The following NACC1 variants were observed in gnomAD, a reference collection of about 807,000 sequenced individuals.
NACC1 encodes the protein nucleus accumbens associated 1, also known as nucleus accumbens-associated protein 1.
A neutral mutation model predicts 41.7 loss-of-function variants in NACC1; 6 were observed. The ratio of observed to expected loss-of-function variants is 0.14; its 90% confidence interval spans 0.08 to 0.28. The LOEUF (loss-of-function observed/expected upper bound fraction) is 0.28, where lower values mean the gene tolerates loss of function less well. NACC1 is among the 10% of genes least tolerant of loss of function. The probability of loss-of-function intolerance (pLI) is 1.00; values close to 1 mark genes in which losing one functional copy is unlikely to be tolerated. For missense variants in NACC1, 434 were observed against 763.7 expected (o/e 0.57, Z 5.09); for synonymous variants, 338 against 330.6 (o/e 1.02, Z -0.24).
At chr19:13,124,549 T>G (rs972799397) in intron 1 of NACC1, among the ~76,000 whole-genome samples, 5 of 152,156 alleles carry the variant, frequency 3.3e-5, no homozygotes, top group African/African-American at 1.2e-4. Flanking sequence ...CTGAACAGTT[T>G]GTTCTTCACT....
In NACC1 at chr19:13,120,262, T is replaced by G. The variant is rs867883668; in HGVS notation, c.-9+1808T>G. Among the ~76,000 whole-genome samples, 6 of 152,250 alleles carry G rather than the reference T, an allele frequency of 3.9e-5. No homozygotes were observed. The South Asian group carries it at 1.2e-3, about 32-fold the overall frequency. Reference sequence around the variant, plus strand: ...GAACTGTGGGCTGACCGTGGGAAGCTGAGGAGGCCTGGCACCACCAGGGCT... The same window carrying G: ...GAACTGTGGGCTGACCGTGGGAAGCGGAGGAGGCCTGGCACCACCAGGGCT... On this transcript the variant is annotated intron_variant, in intron 1 of 5. Coordinates refer to ENST00000292431, the MANE Select transcript of NACC1 (RefSeq NM_052876.4).
At position 13,136,623 on chromosome 19, in the gene NACC1, G is replaced by A. The variant is rs1019546328; in HGVS notation, c.1120+218G>A. On this transcript the variant is annotated intron_variant, in intron 3 of 5. Transcript: ENST00000292431. The surrounding 1 kb of genome is among the most constrained non-coding windows in gnomAD (Gnocchi z 5.5). ...GGTTTCTGGCTTAAGGGGTCGGGGC[G>A]AGCATTGGCTATTATTGTTTGGCCG... 3.3e-5 allele frequency among the ~76,000 whole-genome samples: 5 copies of A among 152,176 alleles called. No homozygotes were observed. Among genetic ancestry groups the A allele is most frequent in the African/African-American group, 7.2e-5 (3 of 41,442 alleles).
intron 1 of NACC1, among the ~76,000 whole-genome samples, chr19:13,122,983 T>A (rs1417873138): frequency 6.6e-6 from 1 of 152,160 alleles, no homozygotes; most frequent in Non-Finnish European, 1.5e-5. Context: ...GCCCATTTTC[T>A]AGATGGGAGA....
rs2019729082 is a variant in NACC1 at position 13,137,870 on chromosome 19, T to C, written c.1325-277T>C. On this transcript the variant is annotated intron_variant, in intron 5 of 5. Transcript: ENST00000292431. This position sits in a 1 kb window ranked among gnomAD's most constrained non-coding sequence, Gnocchi z 6.1. ...CTAGCCACTCGTCATGGGGGGCATCTAGATTTTCAAGTGACCACTCCCCGT... is the reference window on the plus strand; with the variant it reads ...CTAGCCACTCGTCATGGGGGGCATCCAGATTTTCAAGTGACCACTCCCCGT... Among the ~76,000 whole-genome samples, 1 of 152,182 alleles carries C rather than the reference T, an allele frequency of 6.6e-6. No individual in the cohort carries two copies. The highest frequency in any genetic ancestry group is 1.5e-5 in the Non-Finnish European group (1 of 68,044).
At chr19:13,128,084 G>A (rs566127169) in intron 1 of NACC1, among the ~76,000 whole-genome samples, 1 of 152,182 alleles carries the variant, frequency 6.6e-6, no homozygotes, top group African/African-American at 2.4e-5. Flanking sequence ...AGCTGGTGAA[G>A]CTACGGCATT....
intron 1 of NACC1, among the ~76,000 whole-genome samples, chr19:13,131,191 C>A (rs1167358322): frequency 6.6e-6 from 1 of 152,192 alleles, no homozygotes; most frequent in African/African-American, 2.4e-5. Flanking sequence ...GTCCCCAGCA[C>A]CTCCCACAAA....
At chr19:13,128,652 T>C (rs2019594651) in intron 1 of NACC1, among the ~76,000 whole-genome samples, 1 of 152,196 alleles carries the variant, frequency 6.6e-6, no homozygotes, top group African/African-American at 2.4e-5. Context: ...CTGGGCAAGG[T>C]CAGGCACCCC....
intron 1 of NACC1, among the ~76,000 whole-genome samples, chr19:13,130,303 C>T (rs973057518): frequency 5.9e-5 from 9 of 152,022 alleles, no homozygotes; most frequent in African/African-American, 2.2e-4. Flanking sequence ...GTCTTGAACC[C>T]CTGGCTTCAG....
At chr19:13,127,387 TTTTTTTTTTTTTTC>T (rs1324349661) in intron 1 of NACC1, among the ~76,000 whole-genome samples, 2 of 128,426 alleles carry the variant, frequency 1.6e-5, no homozygotes, top group East Asian at 4.2e-4. Context: ...TTTTTTTTTT[TTTTTTTTTTTTTTC>T]GGTTAACTGG....
chr19:13,122,442 C>G lies in NACC1; in HGVS notation c.-9+3988C>G, dbSNP rs146688210. Among the ~76,000 whole-genome samples, 726 of 150,030 alleles carry G rather than the reference C, an allele frequency of 4.8e-3. 5 individuals carry two copies. Among genetic ancestry groups the G allele is most frequent in the African/African-American group, 0.016 (660 of 40,874 alleles). Reference sequence around the variant, plus strand: ...GGAGTGACAAGTGGGCACAACTATACTGCTGTGATTCGCAACTGGGTACAG... The same window carrying G: ...GGAGTGACAAGTGGGCACAACTATAGTGCTGTGATTCGCAACTGGGTACAG... On this transcript the variant is annotated intron_variant, in intron 1 of 5. Coordinates refer to ENST00000292431, the MANE Select transcript of NACC1 (RefSeq NM_052876.4).
upstream of NACC1, chr19:13,117,226 G>T (rs900872581): frequency 6.6e-6 from 1 of 152,242 alleles, no homozygotes; most frequent in African/African-American, 2.4e-5. Flanking sequence ...GTTCTAACCA[G>T]TGTATGAAGG....
rs1384181125 is a variant in NACC1, at chr19:13,140,607, CTG to C, written c.*2208_*2209del. On this transcript the variant is annotated 3_prime_UTR_variant, in exon 6 of 6. Transcript: ENST00000292431. This position sits in a 1 kb window ranked among gnomAD's most constrained non-coding sequence, Gnocchi z 4.0. ...AGGAGGTGCCCCCTGGCTCCCAGGA[CTG>C]TGTGTGGGTCCGGGGGGTGGGGGGG... The C allele has an allele frequency of 8.4e-6, 1 of 118,976 alleles. No homozygotes were observed. The highest frequency in any genetic ancestry group is 1.7e-5 in the Non-Finnish European group (1 of 58,180). 7.4% of individuals were successfully genotyped at this position (118,976 alleles called of 1,614,324 possible). A position where few individuals can be genotyped will look rare whatever the true frequency, so the allele number is the denominator to read the frequency against.
chr19:13,122,280 A>G (rs2019505266), intron 1 of NACC1, among the ~76,000 whole-genome samples: 1 of 152,064 alleles, frequency 6.6e-6, no homozygotes, highest in African/African-American at 2.4e-5. Context: ...AAATCGAGCA[A>G]AGGGAGAGGG....
chr19:13,129,380 C>T (rs928644698), intron 1 of NACC1, among the ~76,000 whole-genome samples: 3 of 152,074 alleles, frequency 2.0e-5, no homozygotes, highest in Non-Finnish European at 2.9e-5. Context: ...CTGGGGCTAG[C>T]GTGGGTGAGG....
In NACC1 at chr19:13,137,205, C is replaced by T. The variant is rs2145625252; in HGVS notation, c.1121-66C>T. 6.7e-7 allele frequency: 1 copy of T among 1,501,062 alleles called. No individual in the cohort carries two copies. Among genetic ancestry groups the T allele is most frequent in the East Asian group, 2.3e-5 (1 of 43,644 alleles). 93.0% of individuals were successfully genotyped at this position (1,501,062 alleles called of 1,614,324 possible). ...GGCCTGGGGTGTTCTGAGATGAGGC[C>T]TGGTATCATGGGGGCTGTGGCGGTT... On this transcript the variant is annotated intron_variant, in intron 3 of 5. Transcript: ENST00000292431. The surrounding 1 kb of genome is among the most constrained non-coding windows in gnomAD (Gnocchi z 6.1).
intron 1 of NACC1, among the ~76,000 whole-genome samples, chr19:13,125,861 C>A (rs191788721): frequency 6.6e-6 from 1 of 152,258 alleles, no homozygotes; most frequent in East Asian, 1.9e-4. Flanking sequence ...CTCAGCCTAC[C>A]TAATAGCTGG....
intron 1 of NACC1, among the ~76,000 whole-genome samples, chr19:13,120,800 C>A (rs888312560): frequency 5.3e-5 from 8 of 152,224 alleles, no homozygotes; most frequent in Admixed American, 2.0e-4. Context: ...GGGGGACAGG[C>A]AGTGCCTCAG....
intron 1 of NACC1, among the ~76,000 whole-genome samples, chr19:13,125,400 C>G (rs2019549217): frequency 6.8e-6 from 1 of 146,658 alleles, no homozygotes; most frequent in South Asian, 2.1e-4. Context: ...GAATCAACTC[C>G]CGAAGGCCCC....
intron 1 of NACC1, among the ~76,000 whole-genome samples, chr19:13,125,877 C>T (rs1238797252): frequency 6.6e-6 from 1 of 152,120 alleles, no homozygotes; most frequent in African/African-American, 2.4e-5. Context: ...GCTGGGATTA[C>T]AGGCGTGCAC....
Sources: gnomAD v4.1 joint callset for allele counts (sites outside exome capture counted in the v4.1 genomes callset) on GRCh38, gnomAD v4.1.1 for gene constraint, Gnocchi (gnomAD v3.1) non-coding constraint, MANE v1.5 for transcripts, NCBI Gene and HGNC (gene_info 2026-07-23, HGNC 2026-07-21) for gene names.